The following XKR9 variants were observed in gnomAD, a reference collection of about 807,000 sequenced individuals.
XKR9 encodes the protein XK related 9.
Under a neutral mutation model 32.0 loss-of-function variants are expected in XKR9, and 32 were observed. The observed-to-expected ratio is 1.00, with a 90% confidence interval of 0.76 to 1.34. The LOEUF (loss-of-function observed/expected upper bound fraction) is 1.34, where lower values mean the gene tolerates loss of function less well. Ranked by LOEUF, XKR9 falls within the 40% of genes most tolerant of loss-of-function variation. XKR9 has a pLI of 0.00. For missense variants in XKR9, 546 were observed against 429.7 expected, an observed-to-expected ratio of 1.27 and a Z score of -2.39; for synonymous variants, 168 against 143.4, an observed-to-expected ratio of 1.17 and a Z score of -1.22.
At chr8:70,724,625 G>A (rs138535136) in intron 4 of XKR9, among the ~76,000 whole-genome samples, 215 of 152,226 alleles carry the variant, frequency 1.4e-3, no homozygotes, top group African/African-American at 5.0e-3. Context: ...CTTGGCTAGG[G>A]GAGGGAGGTC....
chr8:70,729,098 T>C (rs1202527682), intron 4 of XKR9, among the ~76,000 whole-genome samples: 5 of 152,216 alleles, frequency 3.3e-5, no homozygotes. Context: ...ACCTCGATTA[T>C]TTAAAGAAAG....
the XKR9 span, among the ~76,000 whole-genome samples, chr8:70,993,398 T>A: frequency 1.1e-4 from 16 of 152,198 alleles, no homozygotes; most frequent in Non-Finnish European, 1.5e-5. Flanking sequence ...GAAGCTCCCT[T>A]AATGGCTCTT....
chr8:70,831,890 C>G, the XKR9 span, among the ~76,000 whole-genome samples: 2 of 152,132 alleles, frequency 1.3e-5, no homozygotes, highest in African/African-American at 4.8e-5. Context: ...GCTGTATCCT[C>G]CTGCTTCCCT....
chr8:70,829,286 G>T, the XKR9 span, among the ~76,000 whole-genome samples: 1 of 143,840 alleles, frequency 7.0e-6, no homozygotes, highest in South Asian at 2.2e-4. Context: ...ATATAAGTAA[G>T]TTAAAACAAT....
At chr8:70,795,373 A>G in the XKR9 span, among the ~76,000 whole-genome samples, 4 of 152,114 alleles carry the variant, frequency 2.6e-5, no homozygotes, top group Non-Finnish European at 5.9e-5. Context: ...TTAGTCTACC[A>G]TTGATGGGTA....
chr8:70,872,095 A>G, the XKR9 span, among the ~76,000 whole-genome samples: 1 of 152,258 alleles, frequency 6.6e-6, no homozygotes, highest in Admixed American at 6.5e-5. Flanking sequence ...GTGAATGCAA[A>G]GAAACTTCTA....
the XKR9 span, among the ~76,000 whole-genome samples, chr8:70,890,534 A>T: frequency 6.6e-6 from 1 of 151,802 alleles, no homozygotes; most frequent in Non-Finnish European, 1.5e-5. Flanking sequence ...GAATTTTATT[A>T]AATACTTCTG....
rs555947421 is a variant in XKR9, at chr8:70,754,367, C to A, written n.353-34972C>A. Reference sequence around the variant, plus strand: ...AGGTAATTTATAGATTCAATGCCATCCCCATCAAGCTACCAATGACTTTCT... The same window carrying A: ...AGGTAATTTATAGATTCAATGCCATACCCATCAAGCTACCAATGACTTTCT... On this transcript the variant is annotated intron_variant and non_coding_transcript_variant, in intron 2 of 3. Coordinates refer to the XKR9 transcript ENST00000520273. Among the ~76,000 whole-genome samples the A allele has an allele frequency of 3.8e-5, 5 of 132,148 alleles. 1 individual carries two copies. The highest frequency in any genetic ancestry group is 3.7e-4 in the Admixed American group (4 of 10,692). 86.7% of individuals were successfully genotyped at this position (132,148 alleles called of 152,430 possible). A position where few individuals can be genotyped will look rare whatever the true frequency, so the allele number is the denominator to read the frequency against.
At chr8:70,957,783 C>CTTTTTTTT in the XKR9 span, among the ~76,000 whole-genome samples, 7 of 84,810 alleles carry the variant, frequency 8.3e-5, no homozygotes, top group Admixed American at 1.6e-4. Context: ...TTCAGTCTAT[C>CTTTTTTTT]TTTTTTTTTT....
chr8:70,690,569 G>A (rs1054172367), intron 3 of XKR9, among the ~76,000 whole-genome samples: 2 of 149,890 alleles, frequency 1.3e-5, no homozygotes, highest in South Asian at 2.1e-4. Context: ...GGCTGGTTTC[G>A]AACCCCTGAG....
chr8:70,973,808 C>T, the XKR9 span, among the ~76,000 whole-genome samples: 1 of 152,028 alleles, frequency 6.6e-6, no homozygotes, highest in Non-Finnish European at 1.5e-5. Context: ...AATTTTATTC[C>T]ACTGTCGTTG....
At chr8:70,809,743 A>C in the XKR9 span, among the ~76,000 whole-genome samples, 1 of 152,234 alleles carries the variant, frequency 6.6e-6, no homozygotes, top group African/African-American at 2.4e-5. Flanking sequence ...AAATTTAGAG[A>C]AAAAAGAATA....
At chr8:70,973,499 T>C in the XKR9 span, among the ~76,000 whole-genome samples, 1 of 152,122 alleles carries the variant, frequency 6.6e-6, no homozygotes, top group Non-Finnish European at 1.5e-5. Context: ...TTCGGCTAGG[T>C]TTGGGTTTAG....
chr8:70,740,868 C>G (rs751293347), downstream of XKR9, among the ~76,000 whole-genome samples: 89 of 152,344 alleles, frequency 5.8e-4, no homozygotes, highest in African/African-American at 2.1e-3. Context: ...AGGTGTCAGT[C>G]TGCCCCTCCT....
chr8:70,990,219 T>A, the XKR9 span, among the ~76,000 whole-genome samples: 1 of 152,182 alleles, frequency 6.6e-6, no homozygotes, highest in Admixed American at 6.5e-5. Context: ...TTATAAACTG[T>A]CAATTGCTAA....
In XKR9 at chr8:70,779,050, G is replaced by A. The variant is rs139119612; in HGVS notation, n.353-10289G>A. Among the ~76,000 whole-genome samples, 29 of 152,190 alleles carry A rather than the reference G, an allele frequency of 1.9e-4. No homozygotes were observed. In the East Asian group the frequency reaches 4.8e-3, roughly 25 times the overall value. Reference sequence around the variant, plus strand: ...CTGGTTTTCAAAGGGAATGTTTCCCGTTTTTGCCCATTCAGTATGATATTG... The same window carrying A: ...CTGGTTTTCAAAGGGAATGTTTCCCATTTTTGCCCATTCAGTATGATATTG... On this transcript the variant is annotated intron_variant and non_coding_transcript_variant, in intron 2 of 3. Coordinates refer to the XKR9 transcript ENST00000520273.
chr8:70,754,282 A>T (rs1208678593), intron 2 of XKR9, among the ~76,000 whole-genome samples: 1 of 147,270 alleles, frequency 6.8e-6, no homozygotes, highest in African/African-American at 2.4e-5. Flanking sequence ...AACAAATGGG[A>T]GAACATTCCA....
intron 3 of XKR9, among the ~76,000 whole-genome samples, chr8:70,690,244 C>G (rs1819462567): frequency 6.6e-6 from 1 of 151,964 alleles, no homozygotes; most frequent in African/African-American, 2.4e-5. Flanking sequence ...TTTTCTGTTC[C>G]TCTCCCTCCT....
the XKR9 span, among the ~76,000 whole-genome samples, chr8:71,032,751 A>G: frequency 1.3e-5 from 2 of 152,194 alleles, no homozygotes; most frequent in African/African-American, 4.8e-5. Flanking sequence ...TGAGACTACA[A>G]GAACAACCTC....
Sources: allele counts gnomAD v4.1 joint callset (sites outside exome capture counted in the v4.1 genomes callset), GRCh38; gene constraint gnomAD v4.1.1; transcripts MANE v1.5; gene names NCBI Gene and HGNC (gene_info 2026-07-23, HGNC 2026-07-21).